Variants in DOCK9 observed in about 807,000 individuals in gnomAD.
DOCK9 encodes dedicator of cytokinesis 9.
In DOCK9, 89 loss-of-function variants were observed where a neutral mutation model predicts 263.3. That is an observed-to-expected ratio of 0.34 (90% confidence interval 0.28 to 0.40). DOCK9 has a LOEUF of 0.40. Ranked by LOEUF, DOCK9 falls within the 10% of genes least tolerant of loss-of-function variation. The pLI, the probability that DOCK9 is intolerant of heterozygous loss-of-function variation, is 1.00. For missense variants in DOCK9, 2,140 were observed against 2,603.4 expected (o/e 0.82, Z 3.87); for synonymous variants, 976 against 973.1 (o/e 1.00, Z -0.06).
chr13:99,064,006 C>A (rs1438443100), intron 1 of DOCK9, among the ~76,000 whole-genome samples: 1 of 152,188 alleles, frequency 6.6e-6, no homozygotes, highest in African/African-American at 2.4e-5. Context: ...CTGAAGCCTT[C>A]TACTAAGACC....
At chr13:98,827,128 A>G (rs1299361548) in intron 43 of DOCK9, among the ~76,000 whole-genome samples, 2 of 152,228 alleles carry the variant, frequency 1.3e-5, no homozygotes, top group African/African-American at 2.4e-5. Context: ...GCTTTTTTCT[A>G]TATAGAATTA....
intron 1 of DOCK9, among the ~76,000 whole-genome samples, chr13:99,042,132 G>T (rs1403209105): frequency 6.6e-6 from 1 of 152,284 alleles, no homozygotes; most frequent in Non-Finnish European, 1.5e-5. Context: ...ATTTTCTGGT[G>T]GCCTTTAATT....
intron 1 of DOCK9, among the ~76,000 whole-genome samples, chr13:98,999,444 T>G (rs961782080): frequency 1.6e-4 from 24 of 152,212 alleles, no homozygotes; most frequent in African/African-American, 5.3e-4. Flanking sequence ...GAAGGATTTC[T>G]TGAATGATGA....
intron 1 of DOCK9, among the ~76,000 whole-genome samples, chr13:99,054,172 A>T (rs74746250): frequency 0.028 from 4,211 of 152,360 alleles, 96 homozygotes; most frequent in South Asian, 0.063. Context: ...TTACTCAGGC[A>T]TATTTATAAA....
At chr13:99,069,945 T>C (rs1277480255) in intron 1 of DOCK9, among the ~76,000 whole-genome samples, 1 of 152,222 alleles carries the variant, frequency 6.6e-6, no homozygotes, top group African/African-American at 2.4e-5. Context: ...CTTTAATTCC[T>C]CATCAAGAAA....
chr13:98,991,605 T>C (rs1879821905), intron 1 of DOCK9, among the ~76,000 whole-genome samples: 1 of 151,892 alleles, frequency 6.6e-6, no homozygotes, highest in Non-Finnish European at 1.5e-5. Context: ...ATAAAATATA[T>C]TAGTAAAACT....
At chr13:98,818,304 A>G (rs1198536976) in intron 45 of DOCK9, among the ~76,000 whole-genome samples, 1 of 152,212 alleles carries the variant, frequency 6.6e-6, no homozygotes, top group African/African-American at 2.4e-5. Context: ...GAGACCATAC[A>G]CCAATACAAA....
At chr13:99,017,179 A>T (rs1009457392) in intron 1 of DOCK9, among the ~76,000 whole-genome samples, 1 of 152,244 alleles carries the variant, frequency 6.6e-6, no homozygotes, top group African/African-American at 2.4e-5. Flanking sequence ...CTGTGAAAAC[A>T]GAGCTATAGG....
intron 15 of DOCK9, among the ~76,000 whole-genome samples, chr13:98,892,708 C>T (rs1422487754): frequency 6.6e-6 from 1 of 152,144 alleles, no homozygotes; most frequent in Non-Finnish European, 1.5e-5. Flanking sequence ...ACACTGTAAG[C>T]TACTTACGGC....
At chr13:98,966,958 GA>G (rs1176654014) in intron 1 of DOCK9, among the ~76,000 whole-genome samples, 3 of 152,226 alleles carry the variant, frequency 2.0e-5, no homozygotes, top group African/African-American at 7.2e-5. Context: ...CAGGCCCACG[GA>G]GTGAGAAGCT....
intron 1 of DOCK9, among the ~76,000 whole-genome samples, chr13:99,047,675 T>A (rs2142179057): frequency 6.6e-6 from 1 of 152,080 alleles, no homozygotes; most frequent in Non-Finnish European, 1.5e-5. Flanking sequence ...CACACCACTA[T>A]GCCCAGCTAA....
chr13:99,044,557 C>T (rs1290654463), intron 1 of DOCK9, among the ~76,000 whole-genome samples: 3 of 152,178 alleles, frequency 2.0e-5, no homozygotes, highest in South Asian at 2.1e-4. Flanking sequence ...ATGAATACCA[C>T]GATCGCTTCC....
intron 1 of DOCK9, among the ~76,000 whole-genome samples, chr13:99,013,485 G>A (rs151257728): frequency 0.013 from 2,025 of 152,246 alleles, 34 homozygotes; most frequent in South Asian, 0.056. Context: ...CTATTACTAC[G>A]CTTATGCTGT....
chr13:98,935,849 C>T (rs929397242), intron 2 of DOCK9, among the ~76,000 whole-genome samples: 1 of 152,162 alleles, frequency 6.6e-6, no homozygotes, highest in Non-Finnish European at 1.5e-5. Context: ...GACTACCAGG[C>T]TTGGCACCAA....
At chr13:99,075,541 T>G (rs1485995254) in intron 1 of DOCK9, among the ~76,000 whole-genome samples, 1 of 151,540 alleles carries the variant, frequency 6.6e-6, no homozygotes. Flanking sequence ...CCTTTTTTTC[T>G]TTTTTTTAGA....
intron 39 of DOCK9, 47 bp downstream of exon 39, chr13:98,837,447 A>T (rs2093046899): frequency 7.6e-7 from 1 of 1,323,506 alleles, no homozygotes; most frequent in African/African-American, 1.4e-5. Flanking sequence ...AAGCAGAATG[A>T]ATGTGAAAGG....
At chr13:98,822,954 GA>G (rs1409250474) in intron 45 of DOCK9, among the ~76,000 whole-genome samples, 2 of 151,902 alleles carry the variant, frequency 1.3e-5, no homozygotes, top group African/African-American at 4.8e-5. Flanking sequence ...CCCCTTCGTA[GA>G]TTTTAAGAAT....
rs2092679349 is a variant in DOCK9 at position 98,829,561 on chromosome 13, C to T, written c.4750-39G>A. 1 of 1,591,738 alleles carries T rather than the reference C, an allele frequency of 6.3e-7. No individual in the cohort carries two copies. ...GGAAGAGGAAAGGACACATGGCTTCCTCTGTTTGCTGCCTGTCCACAAGCA... is the reference window on the plus strand; with the variant it reads ...GGAAGAGGAAAGGACACATGGCTTCTTCTGTTTGCTGCCTGTCCACAAGCA... On this transcript the variant is annotated intron_variant, in intron 42 of 52. Coordinates refer to ENST00000682017, the MANE Select transcript of DOCK9 (RefSeq NM_001366683.2). This position sits in a 1 kb window ranked among gnomAD's most constrained non-coding sequence, Gnocchi z 4.1.
chr13:99,075,937 G>A (rs1042864538), intron 1 of DOCK9, among the ~76,000 whole-genome samples: 9 of 152,024 alleles, frequency 5.9e-5, no homozygotes, highest in Non-Finnish European at 1.0e-4. Flanking sequence ...CTCTACTACA[G>A]GCCCTGACCC....
Sources: gnomAD v4.1 joint callset for allele counts (sites outside exome capture counted in the v4.1 genomes callset) on GRCh38, gnomAD v4.1.1 for gene constraint, Gnocchi (gnomAD v3.1) non-coding constraint, MANE v1.5 for transcripts, NCBI Gene and HGNC (gene_info 2026-07-23, HGNC 2026-07-21) for gene names.